The following SCML4 variants were observed in gnomAD, a reference collection of about 807,000 sequenced individuals.
SCML4 encodes the protein sex comb on midleg-like protein 4.
A neutral mutation model predicts 41.1 loss-of-function variants in SCML4; 34 were observed. The ratio of observed to expected loss-of-function variants is 0.83; its 90% CI spans 0.63 to 1.10. SCML4 has a LOEUF of 1.10. Among genes scored for constraint, SCML4 ranks in the 50% least tolerant of loss-of-function variants. The pLI is 0.00. For missense variants in SCML4, 522 were observed against 534.1 expected (o/e 0.98, Z 0.22); for synonymous variants, 214 against 220.9 (o/e 0.97, Z 0.28).
intron 1 of SCML4, among the ~76,000 whole-genome samples, chr6:107,791,489 G>A (rs943705966): frequency 1.3e-5 from 2 of 152,150 alleles, no homozygotes; most frequent in Admixed American, 6.6e-5. Context: ...GGGAAGTACT[G>A]GAAGAGCAGA....
intron 2 of SCML4, among the ~76,000 whole-genome samples, chr6:107,751,616 T>TCTCTCTCTCTCTCTCTCTCTCTC: frequency 6.8e-6 from 1 of 147,712 alleles, no homozygotes; most frequent in East Asian, 2.1e-4. Context: ...CTTTCTTTCT[T>TCTCTCTCTCTCTCTCTCTCTCTC]TCTTTCTTTC....
intron 5 of SCML4, among the ~76,000 whole-genome samples, chr6:107,735,702 G>A (rs1280646682): frequency 1.3e-5 from 2 of 151,620 alleles, no homozygotes; most frequent in Admixed American, 1.3e-4. Context: ...GGGAGGCTAA[G>A]GCAGGAGAAT....
intron 4 of SCML4, chr6:107,746,375 T>G: frequency 3.3e-6 from 1 of 306,662 alleles, no homozygotes; most frequent in South Asian, 8.4e-5. Flanking sequence ...TATTTTGAAG[T>G]GGAGCGAAAG....
At position 107,822,397 on chromosome 6, in the gene SCML4, C is replaced by G. The variant is rs1319259485; in HGVS notation, c.-60+1729G>C. ...CTGCTTCTGCTGATTTCCCTCGCCTCGAAAACACACCACCAAAAGCAAAGA... is the reference window on the plus strand; with the variant it reads ...CTGCTTCTGCTGATTTCCCTCGCCTGGAAAACACACCACCAAAAGCAAAGA... On this transcript the variant is annotated intron_variant, in intron 1 of 7. Coordinates refer to ENST00000369020, the MANE Select transcript of SCML4 (RefSeq NM_198081.5). Among the ~76,000 whole-genome samples the G allele has an allele frequency of 2.0e-5, 3 of 151,954 alleles. No individual in the cohort carries two copies. The South Asian group carries it at 6.2e-4, about 32-fold the overall frequency.
the SCML4 span, among the ~76,000 whole-genome samples, chr6:107,841,261 A>G: frequency 1.6e-4 from 24 of 152,318 alleles, 1 homozygote; most frequent in Admixed American, 1.5e-3. Flanking sequence ...GGAGTTCAAG[A>G]CCAGCCTGGC....
chr6:107,817,955 C>G (rs1198194085), intron 1 of SCML4, among the ~76,000 whole-genome samples: 3 of 152,168 alleles, frequency 2.0e-5, no homozygotes, highest in Non-Finnish European at 4.4e-5. Context: ...CCAACACAAC[C>G]CCACCATGCT....
chr6:107,727,828 G>A (rs1012696758), intron 5 of SCML4, among the ~76,000 whole-genome samples: 4 of 152,230 alleles, frequency 2.6e-5, no homozygotes, highest in Non-Finnish European at 5.9e-5. Context: ...AAGCAGTAAG[G>A]CTGCCATTAC....
chr6:107,810,391 T>C (rs1477660762), intron 1 of SCML4, among the ~76,000 whole-genome samples: 1 of 152,112 alleles, frequency 6.6e-6, no homozygotes, highest in Non-Finnish European at 1.5e-5. Flanking sequence ...TCGCTTGGGA[T>C]ATACTTTGTG....
the SCML4 span, among the ~76,000 whole-genome samples, chr6:107,834,955 T>C: frequency 1.3e-5 from 2 of 150,984 alleles, no homozygotes; most frequent in East Asian, 3.9e-4. Context: ...AAAAAGGAAT[T>C]TGGAAAAAGG....
chr6:107,810,419 G>T (rs1382005001), intron 1 of SCML4, among the ~76,000 whole-genome samples: 3 of 152,280 alleles, frequency 2.0e-5, no homozygotes, highest in East Asian at 3.9e-4. Flanking sequence ...ACCACTGTGG[G>T]CAGGAAAAAG....
At chr6:107,733,660 G>T (rs1776772301) in intron 5 of SCML4, among the ~76,000 whole-genome samples, 1 of 152,226 alleles carries the variant, frequency 6.6e-6, no homozygotes, top group Admixed American at 6.5e-5. Flanking sequence ...ACCAGAAGGG[G>T]TCTCTAATAC....
chr6:107,833,933 A>G, the SCML4 span, among the ~76,000 whole-genome samples: 1 of 152,142 alleles, frequency 6.6e-6, no homozygotes, highest in South Asian at 2.1e-4. Context: ...GTTAGGCTGA[A>G]TATGATGTAA....
upstream of SCML4, among the ~76,000 whole-genome samples, chr6:107,824,597 A>C (rs9486729): frequency 2.6e-5 from 4 of 151,286 alleles, no homozygotes; most frequent in Non-Finnish European, 4.4e-5. Flanking sequence ...AGGTAATGAC[A>C]CTTCTGCTTC....
intron 1 of SCML4, among the ~76,000 whole-genome samples, chr6:107,801,404 C>A (rs1166725941): frequency 2.0e-5 from 3 of 152,152 alleles, no homozygotes; most frequent in Non-Finnish European, 2.9e-5. Flanking sequence ...TGGCGAGACT[C>A]CAGTCCTCCA....
chr6:107,741,108 A>C (rs753069788), intron 5 of SCML4, among the ~76,000 whole-genome samples: 11 of 152,184 alleles, frequency 7.2e-5, no homozygotes, highest in Non-Finnish European at 1.2e-4. Context: ...TTCAAGTTCC[A>C]AACTGGTGGC....
chr6:107,721,238 A>G (rs1440577233), intron 5 of SCML4, among the ~76,000 whole-genome samples: 1 of 152,182 alleles, frequency 6.6e-6, no homozygotes, highest in Non-Finnish European at 1.5e-5. Flanking sequence ...TGCTTAGAGG[A>G]AAATTGATAT....
At chr6:107,818,882 G>A (rs778251858) in intron 1 of SCML4, among the ~76,000 whole-genome samples, 1 of 152,240 alleles carries the variant, frequency 6.6e-6, no homozygotes, top group Non-Finnish European at 1.5e-5. Flanking sequence ...TGGGCCTGGT[G>A]AGAGGGGCAG....
intron 1 of SCML4, among the ~76,000 whole-genome samples, chr6:107,788,616 T>G (rs1782083216): frequency 1.3e-5 from 2 of 152,142 alleles, no homozygotes; most frequent in Non-Finnish European, 2.9e-5. Flanking sequence ...TAGTCTTGTC[T>G]CCCATCTAGA....
intron 1 of SCML4, among the ~76,000 whole-genome samples, chr6:107,817,175 T>C (rs1432416690): frequency 6.6e-6 from 1 of 152,092 alleles, no homozygotes; most frequent in Non-Finnish European, 1.5e-5. Context: ...TACCCAGAAA[T>C]ATGATTTCTA....
Sources: allele counts gnomAD v4.1 joint callset (sites outside exome capture counted in the v4.1 genomes callset), GRCh38; gene constraint gnomAD v4.1.1; transcripts MANE v1.5; gene names NCBI Gene and HGNC (gene_info 2026-07-23, HGNC 2026-07-21).